Variants in SCN11A observed in about 807,000 individuals in gnomAD.
SCN11A encodes the protein sodium channel protein type 11 subunit alpha.
Under a neutral mutation model 162.2 loss-of-function variants are expected in SCN11A, and 122 were observed. The observed-to-expected ratio is 0.75, with a 90% confidence interval of 0.65 to 0.87. The LOEUF (loss-of-function observed/expected upper bound fraction) is 0.87. Ranked by LOEUF, SCN11A falls within the 40% of genes least tolerant of loss-of-function variation. The probability of loss-of-function intolerance (pLI) is 0.00; values close to 1 mark genes in which losing one functional copy is unlikely to be tolerated. For missense variants in SCN11A, 2,015 were observed against 2,181.6 expected (o/e 0.92, Z 1.52); for synonymous variants, 758 against 751.5 (o/e 1.01, Z -0.14).
rs75372517 is a variant in SCN11A, at chr3:38,898,871, C to T, written c.2022+1023G>A. On this transcript the variant is annotated intron_variant, in intron 17 of 29. Transcript: ENST00000302328. ...AAAAACCTGTGGTTCCATTCTCATA[C>T]AGAGACAATGCCACAGATTTCCGTG... 6.3e-3 allele frequency among the ~76,000 whole-genome samples: 964 copies of T among 152,092 alleles called. 16 individuals are homozygous for T. Among genetic ancestry groups the T allele is most frequent in the African/African-American group, 0.022 (922 of 41,490 alleles).
At chr3:38,855,275 T>C (rs1171674767) in intron 28 of SCN11A, among the ~76,000 whole-genome samples, 2 of 152,164 alleles carry the variant, frequency 1.3e-5, no homozygotes, top group African/African-American at 4.8e-5. Context: ...TGGTGATCTA[T>C]ACTGCACAGC....
chr3:38,890,168 G>C (rs1307470910), intron 19 of SCN11A, among the ~76,000 whole-genome samples: 16 of 152,256 alleles, frequency 1.1e-4, no homozygotes, highest in Non-Finnish European at 2.9e-5. Context: ...CCTCATTCCA[G>C]CTTACTTGTA....
chr3:38,850,746 T>C lies in SCN11A; in HGVS notation c.4062A>G (p.Lys1354=). The C allele has an allele frequency of 6.3e-7, 1 of 1,581,904 alleles. No homozygotes were observed. The highest frequency in any genetic ancestry group is 1.4e-5 in the African/African-American group (1 of 73,516). The change falls in exon 29 of 30, where the codon AAA becomes AAG. Residue 1354 remains lysine (K), a synonymous_variant. Coordinates refer to ENST00000302328, the MANE Select transcript of SCN11A (RefSeq NM_001349253.2). The part of the protein sequence containing the change: ...PQKPIPRPLN[K]CQGLVFDIVT... Reference sequence around the variant, plus strand: ...CTATGTCGAACACGAGACCTTGACATTTGTTCTGAGAAAAAAAAGAAATTA... The same window carrying C: ...CTATGTCGAACACGAGACCTTGACACTTGTTCTGAGAAAAAAAAGAAATTA...
chr3:38,950,057 A>ATCCC, intron 5 of SCN11A, 39 bp downstream of exon 5: 1 of 100,342 alleles, frequency 1.0e-5, no homozygotes, highest in Non-Finnish European at 1.9e-5. Flanking sequence ...TGGTTAGAAC[A>ATCCC]CCCCCACCCC....
intron 28 of SCN11A, among the ~76,000 whole-genome samples, chr3:38,858,863 A>C (rs1575213642): frequency 6.6e-6 from 1 of 152,286 alleles, no homozygotes; most frequent in Middle Eastern, 3.4e-3. Flanking sequence ...ATTAACTCCA[A>C]AAGGAACCTT....
chr3:38,893,770 G>A lies in SCN11A; in HGVS notation c.2835+763C>T, dbSNP rs570936127. 1.6e-4 allele frequency among the ~76,000 whole-genome samples: 24 copies of A among 151,224 alleles called. No homozygotes were observed. In the East Asian group the frequency reaches 4.6e-3, roughly 29 times the overall value. ...ATTTTTAAATAAGCAGTGGGTCAAA[G>A]AAGAAATCATAAGAAGAATTAGAAA... On this transcript the variant is annotated intron_variant, in intron 19 of 29. Coordinates refer to ENST00000302328, the MANE Select transcript of SCN11A (RefSeq NM_001349253.2).
At chr3:38,908,161 C>T in intron 13 of SCN11A, 39 bp from the exon 14 acceptor site, 14 of 1,576,948 alleles carry the variant, frequency 8.9e-6, no homozygotes, top group Non-Finnish European at 1.2e-5. Context: ...ACAGATTACA[C>T]CTCCTCATGA....
At chr3:38,902,397 C>T (rs1163566468) in intron 16 of SCN11A, among the ~76,000 whole-genome samples, 1 of 152,176 alleles carries the variant, frequency 6.6e-6, no homozygotes, top group Non-Finnish European at 1.5e-5. Context: ...AATTTATGTG[C>T]TATGTGCAGA....
In SCN11A at chr3:38,850,543, T is replaced by G; in HGVS notation, c.4265A>C (p.Gln1422Pro). 1 of 1,613,944 alleles carries G rather than the reference T, an allele frequency of 6.2e-7. No individual in the cohort carries two copies. Among genetic ancestry groups the G allele is most frequent in the Admixed American group, 1.7e-5 (1 of 60,022 alleles). ...ATTCCAGCCATTGGTGAAGTAGTAT[T>G]GCCTCAAAGCAAAGATTTTGATGAG... is the stretch of plus-strand genomic sequence containing the variant. ...ECLIKIFALR[Q>P]YYFTNGWNLF... is the part of the protein sequence containing the mutation. Residue 1422 changes from glutamine (Q) to proline (P), a missense_variant, in exon 29 of 30, where the codon CAA (glutamine) becomes CCA (proline). Physicochemically the swap from Gln to Pro is moderately conservative, Grantham distance 76 (BLOSUM62 -1). Transcript: ENST00000302328.
chr3:38,973,589 T>C (rs756005256), intron 2 of SCN11A, among the ~76,000 whole-genome samples: 1 of 152,184 alleles, frequency 6.6e-6, no homozygotes, highest in Non-Finnish European at 1.5e-5. Flanking sequence ...GTAAAACAAC[T>C]AAAATATTGG....
At chr3:38,950,063 A>AACC in intron 5 of SCN11A, 33 bp downstream of exon 5, 15 of 62,402 alleles carry the variant, frequency 2.4e-4, no homozygotes, top group South Asian at 6.2e-4. Context: ...GAACACCCCC[A>AACC]CCCCCACCCC....
intron 2 of SCN11A, among the ~76,000 whole-genome samples, chr3:38,980,018 A>T (rs2029957782): frequency 6.6e-6 from 1 of 152,160 alleles, no homozygotes; most frequent in Non-Finnish European, 1.5e-5. Context: ...CCTGCAGCTC[A>T]CGTATGGCCC....
At chr3:38,895,604 CTTTG>C (rs970384160) in intron 18 of SCN11A, among the ~76,000 whole-genome samples, 2 of 152,164 alleles carry the variant, frequency 1.3e-5, no homozygotes, top group Non-Finnish European at 2.9e-5. Context: ...CCTCAAATTC[CTTTG>C]TTTGTGGCTC....
At chr3:38,911,451 A>C (rs1385754122) in intron 11 of SCN11A, among the ~76,000 whole-genome samples, 1 of 152,118 alleles carries the variant, frequency 6.6e-6, no homozygotes, top group Non-Finnish European at 1.5e-5. Flanking sequence ...ATCTTTTTCC[A>C]AAAAGTTCTG....
At chr3:38,952,485 T>C (rs1465972378) in intron 4 of SCN11A, among the ~76,000 whole-genome samples, 4 of 152,220 alleles carry the variant, frequency 2.6e-5, no homozygotes, top group African/African-American at 4.8e-5. Context: ...TCAACAATTA[T>C]ATGCCCTGTG....
intron 10 of SCN11A, 152 bp from the exon 11 acceptor site, chr3:38,920,153 G>C: frequency 1.6e-6 from 1 of 627,500 alleles, no homozygotes; most frequent in Non-Finnish European, 2.7e-6. Context: ...TGGAGCCCAA[G>C]ACCTCTGGAA....
chr3:38,894,700 C>T lies in SCN11A; in HGVS notation c.2668G>A (p.Gly890Ser). The T allele has an allele frequency of 6.2e-7, 1 of 1,614,158 alleles. No individual in the cohort carries two copies. The highest frequency in any genetic ancestry group is 8.5e-7 in the Non-Finnish European group (1 of 1,180,020). The change falls in exon 19 of 30, where the codon GGC becomes AGC. Residue 890 changes from glycine to serine, a missense_variant. Gly to Ser is a moderately conservative substitution (Grantham distance 56). Transcript: ENST00000302328. Reference sequence around the variant, plus strand: ...CCAAGCTCCTCCTGGGTCTCTGAGCCCCTTTTCATCTCCATGACCAGGGGA... The same window carrying T: ...CCAAGCTCCTCCTGGGTCTCTGAGCTCCTTTTCATCTCCATGACCAGGGGA... ...IIPLVMEMKR[G>S]SETQEELGIL...
At chr3:38,952,166 G>A (rs141561894) in intron 4 of SCN11A, among the ~76,000 whole-genome samples, 51 of 152,214 alleles carry the variant, frequency 3.4e-4, no homozygotes, top group Non-Finnish European at 5.3e-4. Flanking sequence ...CACTCACCGC[G>A]AGAGTCCGAG....
Position 38,985,189 on chromosome 3 carries a change from G to A in SCN11A, c.-279-24766C>T, listed in dbSNP as rs1166585211. Among the ~76,000 whole-genome samples the A allele has an allele frequency of 4.2e-4, 61 of 145,386 alleles. 2 individuals are homozygous for A. The highest frequency in any genetic ancestry group is 1.4e-3 in the African/African-American group (53 of 37,218). On this transcript the variant is annotated intron_variant, in intron 2 of 29. Transcript: ENST00000302328. The stretch of plus-strand genomic sequence containing the variant: ...GTTGCCCAGGCTGGAGTGCAGTGGC[G>A]CAGTCTCAGCTCACTGCAAGCTCTG...
Sources: allele counts gnomAD v4.1 joint callset (sites outside exome capture counted in the v4.1 genomes callset), GRCh38; gene constraint gnomAD v4.1.1; transcripts MANE v1.5; gene names NCBI Gene and HGNC (gene_info 2026-07-23, HGNC 2026-07-21).